The following HSPA12A variants were observed in gnomAD, a reference collection of about 807,000 sequenced individuals.
The protein encoded by HSPA12A is heat shock protein family A (Hsp70) member 12A.
In HSPA12A, 28 loss-of-function variants were observed where a neutral mutation model predicts 69.2. The ratio of observed to expected loss-of-function variants is 0.40; its 90% CI spans 0.30 to 0.55. The LOEUF (loss-of-function observed/expected upper bound fraction) is 0.55, where lower values mean the gene tolerates loss of function less well. HSPA12A is among the 20% of genes least tolerant of loss of function. HSPA12A has a pLI of 0.38. For synonymous variants in HSPA12A, 345 were observed against 370.5 expected (o/e 0.93, Z 0.79); for missense variants, 686 against 900.7 (o/e 0.76, Z 3.05).
At chr10:116,685,473 A>G (rs1171394305) in intron 6 of HSPA12A, among the ~76,000 whole-genome samples, 3 of 143,578 alleles carry the variant, frequency 2.1e-5, no homozygotes, top group South Asian at 2.2e-4. Flanking sequence ...CGTCTCTACT[A>G]AAAAAAAAAA....
rs57481232 is a variant in HSPA12A at position 116,698,300 on chromosome 10, G to A, written c.546+335C>T. The A allele has an allele frequency of 7.3e-3, 1,598 of 218,822 alleles. 16 individuals carry two copies. Among genetic ancestry groups the A allele is most frequent in the African/African-American group, 0.034 (1,523 of 44,486 alleles). 13.6% of individuals were successfully genotyped at this position (218,822 alleles called of 1,614,324 possible). On this transcript the variant is annotated intron_variant, in intron 5 of 11. Transcript: ENST00000369209. ...GACATCTTCTTTCATTTCTCTTAGG[G>A]ATTTCATTTCTCTTAGGGATTTCAT... is the stretch of plus-strand genomic sequence containing the variant.
At chr10:116,752,826 T>C (rs868912014) in intron 2 of HSPA12A, among the ~76,000 whole-genome samples, 3 of 152,204 alleles carry the variant, frequency 2.0e-5, no homozygotes, top group Non-Finnish European at 4.4e-5. Context: ...CCTTAGATAA[T>C]GCTTAACCCA....
At chr10:116,796,163 A>AAAAAAGAAAG (rs1414051045) in intron 2 of HSPA12A, among the ~76,000 whole-genome samples, 2 of 138,890 alleles carry the variant, frequency 1.4e-5, no homozygotes, top group African/African-American at 6.3e-5. Flanking sequence ...AAAAAAAAAA[A>AAAAAAGAAAG]AAAGAAAGAA....
At chr10:116,703,918 C>T (rs553318088) in intron 3 of HSPA12A, among the ~76,000 whole-genome samples, 2 of 152,344 alleles carry the variant, frequency 1.3e-5, no homozygotes, top group South Asian at 4.1e-4. Flanking sequence ...GTGCTTTTTG[C>T]CTCTGGCTAC....
intron 1 of HSPA12A, among the ~76,000 whole-genome samples, chr10:116,731,940 G>A (rs536875937): frequency 1.5e-3 from 223 of 152,240 alleles, no homozygotes; most frequent in African/African-American, 5.1e-3. Context: ...TCAACATGGG[G>A]GTCACTGTTG....
chr10:116,673,500 C>T lies in HSPA12A; in HGVS notation c.*1281G>A, dbSNP rs1849141784. On this transcript the variant is annotated 3_prime_UTR_variant, in exon 12 of 12. Coordinates refer to ENST00000369209, the MANE Select transcript of HSPA12A (RefSeq NM_025015.3). ...ACAAAATCTCAGGTTAGTATTTCTC[C>T]AATTTCAGTTGAACCACGATGTGGT... 1 of 152,158 alleles carries T rather than the reference C, an allele frequency of 6.6e-6. No individual in the cohort carries two copies. Among genetic ancestry groups the T allele is most frequent in the Non-Finnish European group, 1.5e-5 (1 of 68,034 alleles). 9.4% of individuals were successfully genotyped at this position (152,158 alleles called of 1,614,324 possible). A position where few individuals can be genotyped will look rare whatever the true frequency, so the allele number is the denominator to read the frequency against.
intron 2 of HSPA12A, among the ~76,000 whole-genome samples, chr10:116,809,729 G>A (rs1469696757): frequency 6.6e-6 from 1 of 152,196 alleles, no homozygotes; most frequent in East Asian, 1.9e-4. Context: ...GCTCTCTGGC[G>A]CCTCTCCAGG....
upstream of HSPA12A, among the ~76,000 whole-genome samples, chr10:116,747,552 C>T (rs1851675853): frequency 6.6e-6 from 1 of 152,172 alleles, no homozygotes; most frequent in Non-Finnish European, 1.5e-5. Context: ...AGAGTTTTCA[C>T]AAGGGCTGCA....
intron 5 of HSPA12A, chr10:116,698,237 A>G: frequency 6.1e-6 from 1 of 162,834 alleles, no homozygotes; most frequent in Non-Finnish European, 1.3e-5. Flanking sequence ...ACAGTTATGA[A>G]TAATGTTGCT....
chr10:116,727,632 C>T (rs1851011787), intron 1 of HSPA12A, among the ~76,000 whole-genome samples: 1 of 152,058 alleles, frequency 6.6e-6, no homozygotes, highest in Non-Finnish European at 1.5e-5. Flanking sequence ...CTTTGAGTAG[C>T]CAAACAACCA....
chr10:116,738,656 A>C (rs1443225990), intron 1 of HSPA12A, among the ~76,000 whole-genome samples: 7 of 152,212 alleles, frequency 4.6e-5, no homozygotes, highest in Non-Finnish European at 1.5e-5. Flanking sequence ...AGTTGGAATT[A>C]TCAACCATTA....
chr10:116,731,848 C>T (rs1246608707), intron 1 of HSPA12A, among the ~76,000 whole-genome samples: 9 of 152,238 alleles, frequency 5.9e-5, no homozygotes, highest in East Asian at 1.9e-4. Context: ...CTGAATCTTG[C>T]GGCCTCGTCT....
intron 1 of HSPA12A, among the ~76,000 whole-genome samples, chr10:116,734,944 A>G (rs1407665359): frequency 6.6e-6 from 1 of 152,166 alleles, no homozygotes; most frequent in African/African-American, 2.4e-5. Flanking sequence ...GTGAGCCGAG[A>G]TCGAGCCGCT....
intron 3 of HSPA12A, among the ~76,000 whole-genome samples, chr10:116,704,006 T>C (rs1850158107): frequency 1.3e-5 from 2 of 152,214 alleles, no homozygotes; most frequent in South Asian, 2.1e-4. Flanking sequence ...ACTTTTACAC[T>C]GTTGGTGGGA....
chr10:116,676,571 G>T (rs1160351420), intron 10 of HSPA12A, 69 bp from the exon 11 acceptor site: 1 of 1,202,436 alleles, frequency 8.3e-7, no homozygotes, highest in Admixed American at 1.7e-5. Flanking sequence ...TATCTGCATA[G>T]ACACCTGCCC....
chr10:116,783,948 C>G (rs1554892074), intron 2 of HSPA12A, among the ~76,000 whole-genome samples: 2 of 152,236 alleles, frequency 1.3e-5, no homozygotes, highest in African/African-American at 2.4e-5. Flanking sequence ...CAGTGATCCA[C>G]CCACCTCAGC....
chr10:116,706,278 G>A lies in HSPA12A; in HGVS notation c.126+922C>T, dbSNP rs1329053313. On this transcript the variant is annotated intron_variant, in intron 2 of 11. Coordinates refer to ENST00000369209, the MANE Select transcript of HSPA12A (RefSeq NM_025015.3). ...TATAAAACCAACAAATGTTGGAGGG[G>A]AGGGGTGAGAATGCCACCCGCCTGG... Among the ~76,000 whole-genome samples the A allele has an allele frequency of 2.0e-5, 3 of 151,526 alleles. No homozygotes were observed. The East Asian group carries it at 5.8e-4, about 29-fold the overall frequency.
chr10:116,849,810 C>A, upstream of HSPA12A: 1 of 1,413,492 alleles, frequency 7.1e-7, no homozygotes, highest in Non-Finnish European at 9.5e-7. Flanking sequence ...CTTGCGCCTG[C>A]GCCTGCGCCT....
intron 2 of HSPA12A, among the ~76,000 whole-genome samples, chr10:116,768,903 T>C (rs1417229450): frequency 6.6e-6 from 1 of 152,164 alleles, no homozygotes; most frequent in African/African-American, 2.4e-5. Flanking sequence ...GAGTTATCTT[T>C]AACTCCAAGT....
Sources: allele counts gnomAD v4.1 joint callset (sites outside exome capture counted in the v4.1 genomes callset), GRCh38; gene constraint gnomAD v4.1.1; transcripts MANE v1.5; gene names NCBI Gene and HGNC (gene_info 2026-07-23, HGNC 2026-07-21).